CIBAR2: variants seen among roughly 807,000 people sequenced by gnomAD.
CIBAR2 encodes the protein CBY1-interacting BAR domain-containing protein 2.
A neutral mutation model predicts 36.2 loss-of-function variants in CIBAR2; 38 were observed. That is an observed-to-expected ratio of 1.05 (90% CI 0.81 to 1.38). The LOEUF (loss-of-function observed/expected upper bound fraction) is 1.38, where lower values mean the gene tolerates loss of function less well. Ranked by LOEUF, CIBAR2 falls within the 40% of genes most tolerant of loss-of-function variation. CIBAR2 has a pLI of 0.00. For synonymous variants in CIBAR2, 182 were observed against 149.5 expected (o/e 1.22, Z -1.58); for missense variants, 481 against 383.4 (o/e 1.25, Z -2.13).
chr16:85,099,524 A>G (rs2073937520), intron 8 of CIBAR2, among the ~76,000 whole-genome samples, 178 bp from the exon 9 acceptor site: 1 of 152,036 alleles, frequency 6.6e-6, no homozygotes, highest in Non-Finnish European at 1.5e-5. Flanking sequence ...TCAAGTGGCA[A>G]TACCTCAGAG....
intron 6 of CIBAR2, among the ~76,000 whole-genome samples, chr16:85,104,460 C>A (rs771544496): frequency 3.3e-5 from 5 of 152,126 alleles, no homozygotes; most frequent in Admixed American, 2.6e-4. Flanking sequence ...ATAATCCCAG[C>A]ACTTTAGGAG....
At chr16:85,103,533 G>C (rs1364335437) in intron 6 of CIBAR2, among the ~76,000 whole-genome samples, 1 of 152,190 alleles carries the variant, frequency 6.6e-6, no homozygotes, top group Non-Finnish European at 1.5e-5. Flanking sequence ...CTTTTAAGCT[G>C]TGCTTCTGTT....
chr16:85,108,143 C>T (rs769891899), intron 2 of CIBAR2, 44 bp from the exon 3 acceptor site: 3 of 1,554,002 alleles, frequency 1.9e-6, no homozygotes, highest in Non-Finnish European at 2.6e-6. Context: ...CAGGGTGCTG[C>T]CTGCCTCCAG....
At chr16:85,103,848 C>A (rs1567558991) in intron 6 of CIBAR2, among the ~76,000 whole-genome samples, 1 of 152,196 alleles carries the variant, frequency 6.6e-6, no homozygotes, top group South Asian at 2.1e-4. Context: ...ACACAGTGAC[C>A]TCACAGGCTT....
At chr16:85,101,391 C>T (rs565792127) in intron 7 of CIBAR2, among the ~76,000 whole-genome samples, 8 of 152,242 alleles carry the variant, frequency 5.3e-5, no homozygotes, top group African/African-American at 1.7e-4. Flanking sequence ...TAAGAAAAGA[C>T]AGCCCCAGCC....
chr16:85,108,190 G>T, intron 2 of CIBAR2, 91 bp from the exon 3 acceptor site: 1 of 1,242,954 alleles, frequency 8.0e-7, no homozygotes, highest in Non-Finnish European at 1.1e-6. Flanking sequence ...CCCGGGAGCC[G>T]CGTGTCCAGA....
intron 7 of CIBAR2, among the ~76,000 whole-genome samples, chr16:85,101,763 G>A (rs996745061): frequency 3.3e-5 from 5 of 151,328 alleles, no homozygotes; most frequent in East Asian, 3.9e-4. Flanking sequence ...TCCACCTCCC[G>A]GGTTCAAGCG....
Position 85,102,208 on chromosome 16 carries a change from A to T in CIBAR2, c.651+6T>A. On this transcript the variant is annotated splice_donor_region_variant and intron_variant, in intron 7 of 8. Coordinates refer to ENST00000539556, the MANE Select transcript of CIBAR2 (RefSeq NM_198491.3). ...CCATATAGGAAACGGGGTGTCTGTG[A>T]CTCACCAGTAGATCCCTCTCCAGGT... The T allele has an allele frequency of 6.6e-7, 1 of 1,506,338 alleles. No homozygotes were observed. Among genetic ancestry groups the T allele is most frequent in the Non-Finnish European group, 9.2e-7 (1 of 1,081,904 alleles). The allele number at this position is 1,506,338 out of a possible 1,614,324, so 93.3% of individuals were successfully genotyped here.
chr16:85,103,115 A>T, intron 6 of CIBAR2, among the ~76,000 whole-genome samples: 1 of 152,044 alleles, frequency 6.6e-6, no homozygotes, highest in East Asian at 1.9e-4. Flanking sequence ...GTTGGCCAGG[A>T]TGGTCTCGAA....
chr16:85,110,699 C>G (rs555367913), intron 1 of CIBAR2, among the ~76,000 whole-genome samples: 1 of 107,924 alleles, frequency 9.3e-6, no homozygotes, highest in Non-Finnish European at 1.9e-5. Context: ...GGCTGCAGAC[C>G]TGGCCTTTTT....
At chr16:85,102,149 A>T in intron 7 of CIBAR2, 65 bp downstream of exon 7, 1 of 912,662 alleles carries the variant, frequency 1.1e-6, no homozygotes, top group African/African-American at 1.7e-5. Context: ...ACTTCTATCA[A>T]GACAAAACCA....
At chr16:85,112,291 C>G (rs566794680) in intron 1 of CIBAR2, 42 bp downstream of exon 1, 8 of 1,610,220 alleles carry the variant, frequency 5.0e-6, no homozygotes, top group Middle Eastern at 1.7e-4. Flanking sequence ...CAAAACCCGA[C>G]TTCCACCTCC....
chr16:85,108,043 G>A lies in CIBAR2; in HGVS notation c.312C>T (p.Ile104=), dbSNP rs762826373. ...VNPLKLYGAQ[I]KQTRAEIKKF... Reference sequence around the variant, plus strand: ...TGCCCCGGCTCACCCGTGTCTGCTTGATCTGTGCCCCGTAGAGCTTCAGGG... The same window carrying A: ...TGCCCCGGCTCACCCGTGTCTGCTTAATCTGTGCCCCGTAGAGCTTCAGGG... The change falls in exon 3 of 9, where the codon ATC becomes ATT. Residue 104 remains isoleucine (I), a synonymous_variant. Coordinates refer to ENST00000539556, the MANE Select transcript of CIBAR2 (RefSeq NM_198491.3). 8.1e-6 allele frequency: 13 copies of A among 1,613,856 alleles called. No individual in the cohort carries two copies. The highest frequency in any genetic ancestry group is 1.1e-5 in the Non-Finnish European group (13 of 1,179,808).
chr16:85,104,315 G>A (rs1446891871), intron 6 of CIBAR2, among the ~76,000 whole-genome samples: 1 of 152,232 alleles, frequency 6.6e-6, no homozygotes, highest in African/African-American at 2.4e-5. Context: ...CTGAGCCAGG[G>A]CTTCAGGAGC....
At position 85,099,239 on chromosome 16, in the gene CIBAR2, G is replaced by T; in HGVS notation, c.861C>A (p.Ala287=). 3 of 1,611,914 alleles carry T rather than the reference G, an allele frequency of 1.9e-6. No homozygotes were observed. The highest frequency in any genetic ancestry group is 2.5e-6 in the Non-Finnish European group (3 of 1,179,004). The change falls in exon 9 of 9, where the codon GCC becomes GCA. Residue 287 remains alanine, a synonymous_variant. Transcript: ENST00000539556. ...GCCCACCCTGCCCACACACACAGTG[G>T]GCTGGCTGCCCCTTAACCACCCACT... The part of the protein sequence containing the change: ...LCEWVVKGQP[A]HCVCGQGGHL...
At chr16:85,102,593 C>CT (rs150351869) in intron 6 of CIBAR2, among the ~76,000 whole-genome samples, 7,448 of 152,316 alleles carry the variant, frequency 0.049, 227 homozygotes, top group African/African-American at 0.079. Flanking sequence ...AGGAGAATCA[C>CT]TTGAGCCCAG....
chr16:85,100,102 A>T, intron 8 of CIBAR2, 37 bp downstream of exon 8: 1 of 1,539,080 alleles, frequency 6.5e-7, no homozygotes, highest in South Asian at 1.2e-5. Flanking sequence ...CGTGCACGAC[A>T]TTTTAGGTGT....
At position 85,107,925 on chromosome 16, in the gene CIBAR2, T is replaced by C. The variant is rs1414198959; in HGVS notation, c.347A>G (p.His116Arg). Residue 116 changes from histidine to arginine, a missense_variant, in exon 4 of 9, where the codon CAT becomes CGT. Transcript: ENST00000539556. ...TTGTTTGATCTCATGATTTTGGACA[T>C]GTTTGAATTTCTTGATCTCAGCCTG... ...QTRAEIKKFK[H>R]VQNHEIKQLE... 7 of 1,614,102 alleles carry C rather than the reference T, an allele frequency of 4.3e-6. No homozygotes were observed. In the South Asian group the frequency reaches 7.7e-5, roughly 18 times the overall value.
rs763868133 is a variant in CIBAR2, at chr16:85,102,271, C to G, written c.594G>C (p.Glu198Asp). Reference sequence around the variant, plus strand: ...GGGTCTGGAAGGCGCTAGAATACACCTCCACCGCTTTGGCATGGAAAACCA... The same window carrying G: ...GGGTCTGGAAGGCGCTAGAATACACGTCCACCGCTTTGGCATGGAAAACCA... ...IEMVFHAKAV[E>D]VYSSAFQTLE... The change falls in exon 7 of 9, where the codon GAG becomes GAC. Residue 198 changes from glutamate (E) to aspartate (D), a missense_variant. By Grantham distance (45) the Glu-to-Asp change is conservative (BLOSUM62 2). Transcript: ENST00000539556. 1 of 1,613,882 alleles carries G rather than the reference C, an allele frequency of 6.2e-7. No individual in the cohort carries two copies. The highest frequency in any genetic ancestry group is 1.7e-5 in the Admixed American group (1 of 60,020).
Sources: allele counts gnomAD v4.1 joint callset (sites outside exome capture counted in the v4.1 genomes callset), GRCh38; gene constraint gnomAD v4.1.1; transcripts MANE v1.5; gene names NCBI Gene and HGNC (gene_info 2026-07-23, HGNC 2026-07-21).